SULF2: variants seen among roughly 807,000 people sequenced by gnomAD.
SULF2 encodes the protein extracellular sulfatase Sulf-2.
In SULF2, 52 loss-of-function variants were observed where a neutral mutation model predicts 107.7. That is an observed-to-expected ratio of 0.48 (90% confidence interval 0.39 to 0.61). SULF2 has a LOEUF of 0.61. Ranked by LOEUF, SULF2 falls within the 20% of genes least tolerant of loss-of-function variation. SULF2 has a pLI of 0.00. For missense variants in SULF2, 993 were observed against 1,177.3 expected, an observed-to-expected ratio of 0.84 and a Z score of 2.29; for synonymous variants, 460 against 464.3, an observed-to-expected ratio of 0.99 and a Z score of 0.12.
chr20:47,666,127 G>A lies in SULF2; in HGVS notation c.1805+133C>T. 1 of 1,612,724 alleles carries A rather than the reference G, an allele frequency of 6.2e-7. No individual in the cohort carries two copies. On this transcript the variant is annotated intron_variant, in intron 12 of 20. Coordinates refer to ENST00000688720, the MANE Select transcript of SULF2 (RefSeq NM_001387048.1). This position sits in a 1 kb window ranked among gnomAD's most constrained non-coding sequence, Gnocchi z 5.4. ...AATGGGGTTGGCGGCTGAATAGTCG[G>A]GAAGGCCTCCAGTGCCACTGAAGTC...
intron 3 of SULF2, among the ~76,000 whole-genome samples, chr20:47,726,404 C>CAG (rs2089443739): frequency 6.6e-6 from 1 of 151,388 alleles, no homozygotes; most frequent in South Asian, 2.1e-4. Flanking sequence ...TGTAAAGATA[C>CAG]AGGTCTTACT....
At position 47,694,519 on chromosome 20, in the gene SULF2, G is replaced by A. The variant is rs561732916; in HGVS notation, c.568-4224C>T. 7.2e-5 allele frequency among the ~76,000 whole-genome samples: 11 copies of A among 152,240 alleles called. No homozygotes were observed. Among genetic ancestry groups the A allele is most frequent in the African/African-American group, 1.2e-4 (5 of 41,536 alleles). ...GGCCCAGGTGCATTTTCCAGAACCC[G>A]GCGCCCAGGAGTCAGGCTCTACCCA... On this transcript the variant is annotated intron_variant, in intron 4 of 20. Coordinates refer to ENST00000688720, the MANE Select transcript of SULF2 (RefSeq NM_001387048.1). The surrounding 1 kb of genome is among the most constrained non-coding windows in gnomAD (Gnocchi z 4.4).
chr20:47,775,357 C>A (rs1368055643), intron 1 of SULF2, among the ~76,000 whole-genome samples: 3 of 152,214 alleles, frequency 2.0e-5, no homozygotes, highest in African/African-American at 7.2e-5. Flanking sequence ...CATCTGGTGA[C>A]CAGCAAGAGC....
chr20:47,710,182 G>A (rs1048366899), intron 3 of SULF2, among the ~76,000 whole-genome samples: 2 of 152,090 alleles, frequency 1.3e-5, no homozygotes, highest in Non-Finnish European at 2.9e-5. Flanking sequence ...AATTACAGGC[G>A]TGAGCCACCG....
intron 3 of SULF2, among the ~76,000 whole-genome samples, chr20:47,714,324 G>A (rs534317921): frequency 6.6e-6 from 1 of 152,230 alleles, no homozygotes; most frequent in East Asian, 1.9e-4. Context: ...CTTCACACCG[G>A]CCTCTTGATT....
chr20:47,697,481 C>T (rs2146573860), intron 4 of SULF2, among the ~76,000 whole-genome samples: 1 of 152,332 alleles, frequency 6.6e-6, no homozygotes. Context: ...GCCCAGGGCA[C>T]AGGGCTCCTG....
In SULF2 at chr20:47,686,811, C is replaced by T. The variant is rs563950535; in HGVS notation, c.738-2230G>A. Among the ~76,000 whole-genome samples, 12 of 152,334 alleles carry T rather than the reference C, an allele frequency of 7.9e-5. 1 individual carries two copies. In the South Asian group the frequency reaches 2.3e-3, roughly 29 times the overall value. The stretch of plus-strand genomic sequence containing the variant: ...TCCCCTGGACTCGGCTTTCTCAGCC[C>T]CTGGCTGATCTGCAGCCTCATGCCA... On this transcript the variant is annotated intron_variant, in intron 5 of 20. Transcript: ENST00000688720.
At chr20:47,773,989 C>T (rs994127659) in intron 1 of SULF2, among the ~76,000 whole-genome samples, 16 of 152,220 alleles carry the variant, frequency 1.1e-4, no homozygotes, top group Non-Finnish European at 2.2e-4. Flanking sequence ...AATCCACAGG[C>T]GAGCGTGCCG....
chr20:47,754,032 G>A (rs2090221734), intron 2 of SULF2, among the ~76,000 whole-genome samples: 1 of 152,222 alleles, frequency 6.6e-6, no homozygotes, highest in Non-Finnish European at 1.5e-5. Context: ...GGCCCTGGAA[G>A]CAGTTCCCCT....
chr20:47,680,221 C>CA lies in SULF2; in HGVS notation c.1065-1418dup, dbSNP rs1379404105. Among the ~76,000 whole-genome samples, 1 of 152,238 alleles carries CA rather than the reference C, an allele frequency of 6.6e-6. No homozygotes were observed. The highest frequency in any genetic ancestry group is 1.5e-5 in the Non-Finnish European group (1 of 68,046). ...CTGGGTTCAAGCGATTCTCATGCCT[C>CA]AGCCTCCCGAGTAGCTGGGATTACA... On this transcript the variant is annotated intron_variant, in intron 7 of 20. Coordinates refer to ENST00000688720, the MANE Select transcript of SULF2 (RefSeq NM_001387048.1). This position sits in a 1 kb window ranked among gnomAD's most constrained non-coding sequence, Gnocchi z 4.2.
At chr20:47,738,604 C>T (rs962574217) in intron 2 of SULF2, among the ~76,000 whole-genome samples, 1 of 152,114 alleles carries the variant, frequency 6.6e-6, no homozygotes, top group Non-Finnish European at 1.5e-5. Context: ...GGTTGTTTCC[C>T]CCATACTGTT....
At chr20:47,729,304 C>T (rs751203465) in intron 3 of SULF2, among the ~76,000 whole-genome samples, 10 of 152,044 alleles carry the variant, frequency 6.6e-5, no homozygotes, top group African/African-American at 1.2e-4. Context: ...AGGTGGCTGT[C>T]GGGGCCTCTA....
At chr20:47,705,537 T>A (rs1478589481) in intron 3 of SULF2, among the ~76,000 whole-genome samples, 2 of 152,176 alleles carry the variant, frequency 1.3e-5, no homozygotes, top group African/African-American at 4.8e-5. Context: ...GGACCTGGAA[T>A]GTTGGAGATG....
At chr20:47,763,855 A>G (rs970896568) in intron 1 of SULF2, among the ~76,000 whole-genome samples, 1 of 152,154 alleles carries the variant, frequency 6.6e-6, no homozygotes, top group Non-Finnish European at 1.5e-5. Context: ...AAACAAAAGC[A>G]AGGGCCTGCC....
chr20:47,727,467 T>C (rs1175421981), intron 3 of SULF2, among the ~76,000 whole-genome samples: 2 of 152,202 alleles, frequency 1.3e-5, no homozygotes, highest in African/African-American at 4.8e-5. Flanking sequence ...TTTGGGGTTC[T>C]GGCTCCCGGA....
intron 1 of SULF2, among the ~76,000 whole-genome samples, chr20:47,781,877 G>C (rs1386322378): frequency 6.6e-6 from 1 of 152,024 alleles, no homozygotes; most frequent in African/African-American, 2.4e-5. Flanking sequence ...CCCAGAGCTG[G>C]AGAGACATCA....
rs934478544 is a variant in SULF2 at position 47,666,637 on chromosome 20, G to A, written c.1577-149C>T. On this transcript the variant is annotated intron_variant, in intron 11 of 20. Transcript: ENST00000688720. This position sits in a 1 kb window ranked among gnomAD's most constrained non-coding sequence, Gnocchi z 5.4. ...ACTCGAGGGGTCGTGGAATCTACCC[G>A]CCTGCTCGCAGATCCTGGACCGCAG... The A allele has an allele frequency of 6.1e-6, 4 of 660,610 alleles. No individual in the cohort carries two copies. The highest frequency in any genetic ancestry group is 1.9e-5 in the South Asian group (1 of 53,048). The allele number at this position is 660,610 out of a possible 1,614,324, so 40.9% of individuals were successfully genotyped here.
intron 5 of SULF2, 33 bp from the exon 6 acceptor site, chr20:47,684,614 C>G (rs778194675): frequency 1.7e-5 from 27 of 1,604,164 alleles, no homozygotes; most frequent in Middle Eastern, 3.3e-4. Flanking sequence ...TCGGTCAAAC[C>G]CAGGGACAGC....
chr20:47,770,825 AGCATGGCGGCCTT>A (rs2090616006), intron 1 of SULF2, among the ~76,000 whole-genome samples: 1 of 152,140 alleles, frequency 6.6e-6, no homozygotes, highest in Non-Finnish European at 1.5e-5. Context: ...GCTTCCTCAC[AGCATGGCGGCCTT>A]GCAGTGGGGT....
Sources: gnomAD v4.1 joint callset for allele counts (sites outside exome capture counted in the v4.1 genomes callset) on GRCh38, gnomAD v4.1.1 for gene constraint, Gnocchi (gnomAD v3.1) non-coding constraint, MANE v1.5 for transcripts, NCBI Gene and HGNC (gene_info 2026-07-23, HGNC 2026-07-21) for gene names.